P2RY2: variants seen among roughly 807,000 people sequenced by gnomAD.
P2RY2 encodes purinergic receptor P2Y2, also known as P2Y purinoceptor 2.
For missense variants in P2RY2, 567 were observed against 515.7 expected (o/e 1.10, Z -0.96); for synonymous variants, 241 against 231.9 (o/e 1.04, Z -0.35).
chr11:73,229,692 A>G (rs1862392057), intron 2 of P2RY2, among the ~76,000 whole-genome samples: 1 of 152,086 alleles, frequency 6.6e-6, no homozygotes, highest in East Asian at 1.9e-4. Flanking sequence ...CTCTTAATTC[A>G]AGGGAGACAG....
Position 73,236,724 on chromosome 11 carries a change from C to A in P2RY2, c.*1431C>A. 1 of 985,420 alleles carries A rather than the reference C, an allele frequency of 1.0e-6. No homozygotes were observed. Among genetic ancestry groups the A allele is most frequent in the Non-Finnish European group, 1.2e-6 (1 of 829,932 alleles). The allele number at this position is 985,420 out of a possible 1,614,324, so 61.0% of individuals were successfully genotyped here. On this transcript the variant is annotated 3_prime_UTR_variant, in exon 3 of 3. Coordinates refer to ENST00000393597, the MANE Select transcript of P2RY2 (RefSeq NM_002564.4). ...GTAAATATGAAAGAGATTCACTCCT[C>A]CTCCTGTCCATCGTCTGCCTTCTGG...
chr11:73,235,339 G>C lies in P2RY2; in HGVS notation c.*46G>C. The C allele has an allele frequency of 1.3e-6, 2 of 1,515,266 alleles. No homozygotes were observed. The allele number at this position is 1,515,266 out of a possible 1,614,324, so 93.9% of individuals were successfully genotyped here. On this transcript the variant is annotated 3_prime_UTR_variant, in exon 3 of 3. Coordinates refer to ENST00000393597, the MANE Select transcript of P2RY2 (RefSeq NM_002564.4). ...TGCAGGTTTATATTGGGAAGCTGTA[G>C]AGGACCAGGACTTGTGCAGACGCCA...
chr11:73,235,324 T>C lies in P2RY2; in HGVS notation c.*31T>C, dbSNP rs1271080029. ...GAACACTTCAGCCTGTGCAGGTTTA[T>C]ATTGGGAAGCTGTAGAGGACCAGGA... On this transcript the variant is annotated 3_prime_UTR_variant, in exon 3 of 3. Coordinates refer to ENST00000393597, the MANE Select transcript of P2RY2 (RefSeq NM_002564.4). 1 of 1,519,106 alleles carries C rather than the reference T, an allele frequency of 6.6e-7. No individual in the cohort carries two copies. The highest frequency in any genetic ancestry group is 1.4e-5 in the African/African-American group (1 of 72,006). The allele number at this position is 1,519,106 out of a possible 1,614,324, so 94.1% of individuals were successfully genotyped here. A position where few individuals can be genotyped will look rare whatever the true frequency, so the allele number is the denominator to read the frequency against.
chr11:73,241,987 C>G lies in P2RY2; in HGVS notation c.*6694C>G, dbSNP rs1862784258. The G allele has an allele frequency of 6.6e-6, 1 of 152,222 alleles. No individual in the cohort carries two copies. 9.4% of individuals were successfully genotyped at this position (152,222 alleles called of 1,614,324 possible). A position where few individuals can be genotyped will look rare whatever the true frequency, so the allele number is the denominator to read the frequency against. ...CTGCTGGGGATGTGGAAGCCTGTCC[C>G]CCTCCCACCCCACACCCCACACTTG... On this transcript the variant is annotated 3_prime_UTR_variant, in exon 3 of 3. Transcript: ENST00000393597.
chr11:73,234,364 A>G lies in P2RY2; in HGVS notation c.205A>G (p.Thr69Ala), dbSNP rs756182274. The G allele has an allele frequency of 1.2e-6, 2 of 1,614,220 alleles. No homozygotes were observed. Among genetic ancestry groups the G allele is most frequent in the Non-Finnish European group, 1.7e-6 (2 of 1,180,038 alleles). Residue 69 changes from threonine to alanine, a missense_variant, in exon 3 of 3, where the codon ACC becomes GCC. By Grantham distance (58) the Thr-to-Ala change is moderately conservative (BLOSUM62 0). Coordinates refer to ENST00000393597, the MANE Select transcript of P2RY2 (RefSeq NM_002564.4). ...CCGCCTCAAGACCTGGAATGCGTCCACCACATATATGTTCCACCTGGCTGT... is the reference window on the plus strand; with the variant it reads ...CCGCCTCAAGACCTGGAATGCGTCCGCCACATATATGTTCCACCTGGCTGT... ...LCRLKTWNAS[T>A]TYMFHLAVSD...
chr11:73,235,100 T>C lies in P2RY2; in HGVS notation c.941T>C (p.Val314Ala), dbSNP rs1591640968. ...VLYFLAGQRL[V>A]RFARDAKPPT... ...TACTTCCTGGCTGGGCAGAGGCTCG[T>C]ACGCTTTGCCCGAGATGCCAAGCCA... The change falls in exon 3 of 3, where the codon GTA (valine) becomes GCA (alanine). Residue 314 changes from valine to alanine, a missense_variant. Val to Ala is a moderately conservative substitution (Grantham distance 64). Transcript: ENST00000393597. 3 of 1,606,952 alleles carry C rather than the reference T, an allele frequency of 1.9e-6. No individual in the cohort carries two copies. Among genetic ancestry groups the C allele is most frequent in the Non-Finnish European group, 2.5e-6 (3 of 1,178,844 alleles).
chr11:73,224,589 C>CCTGGGG, intron 1 of P2RY2, among the ~76,000 whole-genome samples: 1 of 152,200 alleles, frequency 6.6e-6, no homozygotes, highest in East Asian at 1.9e-4. Context: ...GGTGCCCTGC[C>CCTGGGG]CAGCAGTGGG....
rs113302517 is a variant in P2RY2, at chr11:73,235,145, C to A, written c.986C>A (p.Ala329Asp). 6.0e-5 allele frequency: 97 copies of A among 1,610,300 alleles called. 1 individual carries two copies. The African/African-American group carries it at 1.1e-3, about 17-fold the overall frequency. The change falls in exon 3 of 3, where the codon GCC (alanine) becomes GAC (aspartate). Residue 329 changes from alanine (A) to aspartate (D), a missense_variant. By Grantham distance (126) the Ala-to-Asp change is moderately radical (BLOSUM62 -2). Coordinates refer to ENST00000393597, the MANE Select transcript of P2RY2 (RefSeq NM_002564.4). ...AAGCCACCCACTGGCCCCAGCCCTG[C>A]CACCCCGGCTCGCCGCAGGCTGGGC... ...DAKPPTGPSP[A>D]TPARRRLGLR...
intron 2 of P2RY2, 181 bp from the exon 3 acceptor site, chr11:73,233,975 A>G: frequency 1.4e-6 from 1 of 691,092 alleles, no homozygotes; most frequent in Non-Finnish European, 2.4e-6. Context: ...CAAGTTTGAC[A>G]ATTGTGTGAT....
chr11:73,232,126 GACTC>G (rs1405484196), intron 2 of P2RY2, among the ~76,000 whole-genome samples: 1 of 152,042 alleles, frequency 6.6e-6, no homozygotes, highest in Non-Finnish European at 1.5e-5. Flanking sequence ...GGATGAGGAG[GACTC>G]ACTCTTCATC....
chr11:73,239,007 A>AGCATGG lies in P2RY2; in HGVS notation c.*3714_*3715insGCATGG, dbSNP rs1862719690. 1 of 152,158 alleles carries AGCATGG rather than the reference A, an allele frequency of 6.6e-6. No individual in the cohort carries two copies. The highest frequency in any genetic ancestry group is 1.5e-5 in the Non-Finnish European group (1 of 68,032). 9.4% of individuals were successfully genotyped at this position (152,158 alleles called of 1,614,324 possible). On this transcript the variant is annotated 3_prime_UTR_variant, in exon 3 of 3. Coordinates refer to ENST00000393597, the MANE Select transcript of P2RY2 (RefSeq NM_002564.4). ...GCAGCACCTCAGTTTTCCCATTTCT[A>AGCATGG]AAGTGTGCTGCTACCTTCCATGCAG... is the stretch of plus-strand genomic sequence containing the variant.
chr11:73,235,241 G>C lies in P2RY2; in HGVS notation c.1082G>C (p.Arg361Pro). Reference sequence around the variant, plus strand: ...TTGGGCAGCAGTGAGGACTCTAGGCGGACAGAGTCCACGCCGGCTGGTAGC... The same window carrying C: ...TTGGGCAGCAGTGAGGACTCTAGGCCGACAGAGTCCACGCCGGCTGGTAGC... Reference protein sequence around the residue: ...DVLGSSEDSRRTESTPAGSEN... With the variant: ...DVLGSSEDSRPTESTPAGSEN... Residue 361 changes from arginine (R) to proline (P), a missense_variant, in exon 3 of 3, where the codon CGG (arginine) becomes CCG (proline). By Grantham distance (103) the Arg-to-Pro change is moderately radical. Coordinates refer to ENST00000393597, the MANE Select transcript of P2RY2 (RefSeq NM_002564.4). 3 of 1,600,700 alleles carry C rather than the reference G, an allele frequency of 1.9e-6. No individual in the cohort carries two copies. Among genetic ancestry groups the C allele is most frequent in the South Asian group, 1.1e-5 (1 of 89,624 alleles).
intron 2 of P2RY2, among the ~76,000 whole-genome samples, chr11:73,229,072 AG>A (rs1862372509): frequency 6.6e-6 from 1 of 152,238 alleles, no homozygotes; most frequent in Admixed American, 6.5e-5. Context: ...GCTGGATGAT[AG>A]GGACAGAGAA....
At chr11:73,221,251 ACAATC>A (rs1829352378) in intron 1 of P2RY2, among the ~76,000 whole-genome samples, 1 of 152,180 alleles carries the variant, frequency 6.6e-6, no homozygotes, top group Admixed American at 6.5e-5. Flanking sequence ...ACGATTTACA[ACAATC>A]CATTTTGTCT....
At chr11:73,228,941 G>C (rs997039462) in intron 2 of P2RY2, among the ~76,000 whole-genome samples, 1 of 152,184 alleles carries the variant, frequency 6.6e-6, no homozygotes, top group African/African-American at 2.4e-5. Context: ...AGGCTGCAGA[G>C]GGCTTGTGCC....
intron 1 of P2RY2, among the ~76,000 whole-genome samples, chr11:73,219,140 C>G (rs1188338833): frequency 6.6e-6 from 1 of 152,198 alleles, no homozygotes; most frequent in South Asian, 2.1e-4. Context: ...ATTGCCAGCT[C>G]GGGATTTGTG....
Position 73,236,334 on chromosome 11 carries a change from T to G in P2RY2, c.*1041T>G, listed in dbSNP as rs545991793. 3.7e-5 allele frequency: 14 copies of G among 375,162 alleles called. No homozygotes were observed. The highest frequency in any genetic ancestry group is 2.6e-4 in the African/African-American group (12 of 45,500). The allele number at this position is 375,162 out of a possible 1,614,324, so 23.2% of individuals were successfully genotyped here. A position where few individuals can be genotyped will look rare whatever the true frequency, so the allele number is the denominator to read the frequency against. Reference sequence around the variant, plus strand: ...GGCCAAATTCAAACTATAAACATGATGTCAACTTCCTTGTAAAATTCCTGA... The same window carrying G: ...GGCCAAATTCAAACTATAAACATGAGGTCAACTTCCTTGTAAAATTCCTGA... On this transcript the variant is annotated 3_prime_UTR_variant, in exon 3 of 3. Transcript: ENST00000393597.
At chr11:73,230,505 G>A (rs899204084) in intron 2 of P2RY2, among the ~76,000 whole-genome samples, 2 of 152,078 alleles carry the variant, frequency 1.3e-5, no homozygotes, top group Non-Finnish European at 2.9e-5. Flanking sequence ...GACATTTTAT[G>A]CAAATGACTC....
In P2RY2 at chr11:73,234,169, G is replaced by A; in HGVS notation, c.10G>A (p.Asp4Asn). The A allele has an allele frequency of 6.2e-7, 1 of 1,609,392 alleles. No homozygotes were observed. The highest frequency in any genetic ancestry group is 2.2e-5 in the East Asian group (1 of 44,842). Residue 4 changes from aspartate to asparagine, a missense_variant, in exon 3 of 3, where the codon GAC (aspartate) becomes AAC (asparagine). Coordinates refer to ENST00000393597, the MANE Select transcript of P2RY2 (RefSeq NM_002564.4). Reference sequence around the variant, plus strand: ...CCTTCCCTGCAGGGCGATGGCAGCAGACCTGGGCCCCTGGAATGACACCAT... The same window carrying A: ...CCTTCCCTGCAGGGCGATGGCAGCAAACCTGGGCCCCTGGAATGACACCAT... Reference protein sequence around the residue: MAADLGPWNDTING... With the variant: MAANLGPWNDTING...
Sources: gnomAD v4.1 joint callset for allele counts (sites outside exome capture counted in the v4.1 genomes callset) on GRCh38, gnomAD v4.1.1 for gene constraint, MANE v1.5 for transcripts, NCBI Gene and HGNC (gene_info 2026-07-23, HGNC 2026-07-21) for gene names.